Variants in MTTP observed in about 807,000 individuals in gnomAD.
MTTP encodes the protein microsomal triglyceride transfer protein large subunit.
A neutral mutation model predicts 90.6 loss-of-function variants in MTTP; 49 were observed. The observed-to-expected ratio is 0.54, with a 90% CI of 0.43 to 0.69. The LOEUF (loss-of-function observed/expected upper bound fraction) is 0.69, where lower values mean the gene tolerates loss of function less well. Among genes scored for constraint, MTTP ranks in the 30% least tolerant of loss-of-function variants. The probability of loss-of-function intolerance (pLI) is 0.00; values close to 1 mark genes in which losing one functional copy is unlikely to be tolerated. For synonymous variants in MTTP, 347 were observed against 384.2 expected (o/e 0.90, Z 1.13); for missense variants, 945 against 1,067.5 (o/e 0.89, Z 1.60).
chr4:99,591,693 A>G lies in MTTP; in HGVS notation c.661A>G (p.Lys221Glu). The G allele has an allele frequency of 6.2e-7, 1 of 1,613,060 alleles. No individual in the cohort carries two copies. Among genetic ancestry groups the G allele is most frequent in the South Asian group, 1.1e-5 (1 of 91,000 alleles). ...AAAAGCTACATCTGTCACCACCTAT[A>G]AGATAGAAGACAGCTTTGTTATAGC... ...SSKATSVTTY[K>E]IEDSFVIAVL... Residue 221 changes from lysine (K) to glutamate (E), a missense_variant, in exon 6 of 18, where the codon AAG becomes GAG. By Grantham distance (56) the Lys-to-Glu change is moderately conservative. Coordinates refer to ENST00000265517, the MANE Select transcript of MTTP (RefSeq NM_001386140.1).
chr4:99,577,923 C>T (rs553505616), intron 1 of MTTP, among the ~76,000 whole-genome samples: 4 of 152,238 alleles, frequency 2.6e-5, no homozygotes, highest in Non-Finnish European at 4.4e-5. Flanking sequence ...TCACCCCACC[C>T]TTACTTTTTA....
rs774735385 is a variant in MTTP at position 99,618,960 on chromosome 4, C to G, written c.2218-14C>G. 1.2e-6 allele frequency: 2 copies of G among 1,609,578 alleles called. No homozygotes were observed. The highest frequency in any genetic ancestry group is 1.1e-5 in the South Asian group (1 of 90,912). ...TATTATTTTTATAACTATTATTATGCTTTTTTCTTCTAGGAACTTCAGTTA... is the reference window on the plus strand; with the variant it reads ...TATTATTTTTATAACTATTATTATGGTTTTTTCTTCTAGGAACTTCAGTTA... On this transcript the variant is annotated splice_polypyrimidine_tract_variant and intron_variant, in intron 15 of 17. Transcript: ENST00000265517.
At position 99,619,754 on chromosome 4, in the gene MTTP, C is replaced by G. The variant is rs150466651; in HGVS notation, c.2342+656C>G. 4.6e-5 allele frequency among the ~76,000 whole-genome samples: 7 copies of G among 152,200 alleles called. No individual in the cohort carries two copies. The East Asian group carries it at 1.4e-3, about 29-fold the overall frequency. On this transcript the variant is annotated intron_variant, in intron 16 of 17. Transcript: ENST00000265517. ...GCAAAAGTGAGATATGTGATAAAAT[C>G]AAATTTTTGATTCATCTTGAGCTAT... is the stretch of plus-strand genomic sequence containing the variant.
chr4:99,600,911 A>G (rs1433462215), intron 9 of MTTP, among the ~76,000 whole-genome samples, 178 bp downstream of exon 9: 1 of 152,134 alleles, frequency 6.6e-6, no homozygotes, highest in Non-Finnish European at 1.5e-5. Flanking sequence ...AAATTATTTC[A>G]GTTAGTGCCT....
chr4:99,621,977 T>C lies in MTTP; in HGVS notation c.2514-700T>C, dbSNP rs563609375. Among the ~76,000 whole-genome samples the C allele has an allele frequency of 1.1e-4, 16 of 152,296 alleles. No homozygotes were observed. In the South Asian group the frequency reaches 3.1e-3, roughly 30 times the overall value. ...GCAAGCCACATCTTACATCATCTCC[T>C]TTTTTAAGTAGGCCAAAATTGAGCA... On this transcript the variant is annotated intron_variant, in intron 17 of 17. Transcript: ENST00000265517.
intron 10 of MTTP, 114 bp from the exon 11 acceptor site, chr4:99,606,634 G>C: frequency 9.7e-7 from 1 of 1,032,964 alleles, no homozygotes; most frequent in South Asian, 1.3e-5. Context: ...AGCAACCAAT[G>C]CAAAACTTTG....
chr4:99,574,916 C>G lies in MTTP; in HGVS notation c.7C>G (p.Leu3Val), dbSNP rs372447205. 1 of 1,614,062 alleles carries G rather than the reference C, an allele frequency of 6.2e-7. No homozygotes were observed. The highest frequency in any genetic ancestry group is 1.3e-5 in the African/African-American group (1 of 74,926). MI[L>V]LAVLFLCFIS... ...TTGAGGATTGCTGGTCAATATGATTCTTCTTGCTGTGCTTTTTCTCTGCTT... is the reference window on the plus strand; with the variant it reads ...TTGAGGATTGCTGGTCAATATGATTGTTCTTGCTGTGCTTTTTCTCTGCTT... The change falls in exon 1 of 18, where the codon CTT (leucine) becomes GTT (valine). Residue 3 changes from leucine to valine, a missense_variant. Transcript: ENST00000265517.
At chr4:99,590,112 T>A (rs975409168) in intron 4 of MTTP, among the ~76,000 whole-genome samples, 5 of 152,082 alleles carry the variant, frequency 3.3e-5, no homozygotes, top group Non-Finnish European at 7.4e-5. Context: ...GTCTTTTTTT[T>A]TGAGATGGAG....
At chr4:99,605,851 T>C (rs1236095885) in intron 10 of MTTP, among the ~76,000 whole-genome samples, 1 of 123,202 alleles carries the variant, frequency 8.1e-6, no homozygotes, top group Admixed American at 7.7e-5. Flanking sequence ...ATATCATCCA[T>C]TCTCCCCAAC....
At chr4:99,581,686 A>T (rs1725118374) in intron 1 of MTTP, among the ~76,000 whole-genome samples, 1 of 152,178 alleles carries the variant, frequency 6.6e-6, no homozygotes, top group African/African-American at 2.4e-5. Flanking sequence ...TAGGAATACA[A>T]ACTAAGGTTC....
At chr4:99,581,713 ATTTG>A (rs772070724) in intron 1 of MTTP, among the ~76,000 whole-genome samples, 188 bp from the exon 2 acceptor site, 5 of 152,106 alleles carry the variant, frequency 3.3e-5, no homozygotes, top group African/African-American at 4.8e-5. Context: ...ATGGGAGTTT[ATTTG>A]TTTGTTTTTT....
At chr4:99,579,225 C>T (rs1178169137) in intron 1 of MTTP, among the ~76,000 whole-genome samples, 2 of 152,174 alleles carry the variant, frequency 1.3e-5, no homozygotes, top group South Asian at 2.1e-4. Flanking sequence ...TTTGAAGGTT[C>T]GACAGATTAT....
intron 10 of MTTP, among the ~76,000 whole-genome samples, chr4:99,602,840 T>C (rs1241939046): frequency 6.6e-6 from 1 of 152,114 alleles, no homozygotes; most frequent in Non-Finnish European, 1.5e-5. Flanking sequence ...AATGAGCATC[T>C]ACTCTGTACT....
intron 10 of MTTP, among the ~76,000 whole-genome samples, chr4:99,604,381 T>C (rs1194842878): frequency 6.6e-6 from 1 of 152,190 alleles, no homozygotes; most frequent in South Asian, 2.1e-4. Flanking sequence ...CTTTTGCTTA[T>C]GTTTTGACCT....
chr4:99,613,105 G>C lies in MTTP; in HGVS notation c.2182G>C (p.Val728Leu). ...LSASGDPISV[V>L]KGLILLIDHS... ...AGCATCTGGCGACCCTATCAGTGTG[G>C]TGAAAGGACTTATTCTGCTAATAGA... is the stretch of plus-strand genomic sequence containing the variant. Residue 728 changes from valine (V) to leucine (L), a missense_variant, in exon 15 of 18, where the codon GTG becomes CTG. Physicochemically the swap from Val to Leu is conservative, Grantham distance 32. Coordinates refer to ENST00000265517, the MANE Select transcript of MTTP (RefSeq NM_001386140.1). 1 of 1,613,956 alleles carries C rather than the reference G, an allele frequency of 6.2e-7. No individual in the cohort carries two copies. Among genetic ancestry groups the C allele is most frequent in the Non-Finnish European group, 8.5e-7 (1 of 1,179,896 alleles).
intron 1 of MTTP, among the ~76,000 whole-genome samples, chr4:99,566,221 G>A (rs1011961024): frequency 2.0e-5 from 3 of 150,552 alleles, no homozygotes; most frequent in Admixed American, 6.6e-5. Flanking sequence ...CCCGGGAGGC[G>A]GAGCTTGCGG....
Position 99,611,468 on chromosome 4 carries a change from A to T in MTTP, c.1989+15A>T, listed in dbSNP as rs1346116024. The T allele has an allele frequency of 6.2e-7, 1 of 1,613,838 alleles. No homozygotes were observed. The highest frequency in any genetic ancestry group is 8.5e-7 in the Non-Finnish European group (1 of 1,179,784). On this transcript the variant is annotated intron_variant, in intron 14 of 17. Coordinates refer to ENST00000265517, the MANE Select transcript of MTTP (RefSeq NM_001386140.1). ...ACGGTAGCCAGGTAACTCACTTCTC[A>T]TGGATTTTGCTTAATAAAGTATGCA...
chr4:99,589,075 T>TCATATATA (rs1239681225), intron 3 of MTTP, among the ~76,000 whole-genome samples: 4 of 7,824 alleles, frequency 5.1e-4, no homozygotes, highest in Admixed American at 1.9e-3. Flanking sequence ...ATATATATAT[T>TCATATATA]TTTTTTTTAC....
chr4:99,589,857 G>C lies in MTTP; in HGVS notation c.501+107G>C. The C allele has an allele frequency of 9.9e-6, 8 of 811,072 alleles. No homozygotes were observed. In the South Asian group the frequency reaches 1.2e-4, roughly 12 times the overall value. The allele number at this position is 811,072 out of a possible 1,614,324, so 50.2% of individuals were successfully genotyped here. ...TACTACTAAGGTAATGCTCAGAAAA[G>C]GTGACTTGTGTAGTGAAGTCGCATT... On this transcript the variant is annotated intron_variant, in intron 4 of 17. Transcript: ENST00000265517.
Sources: allele counts gnomAD v4.1 joint callset (sites outside exome capture counted in the v4.1 genomes callset), GRCh38; gene constraint gnomAD v4.1.1; transcripts MANE v1.5; gene names NCBI Gene and HGNC (gene_info 2026-07-23, HGNC 2026-07-21).